LTBP1: variants seen among roughly 807,000 people sequenced by gnomAD.
The protein encoded by LTBP1 is latent-transforming growth factor beta-binding protein 1.
Under a neutral mutation model 207.6 loss-of-function variants are expected in LTBP1, and 129 were observed. The ratio of observed to expected loss-of-function variants is 0.62; its 90% CI spans 0.54 to 0.72. The LOEUF (loss-of-function observed/expected upper bound fraction) is 0.72. Ranked by LOEUF, LTBP1 falls within the 30% of genes least tolerant of loss-of-function variation. LTBP1 has a pLI of 0.00. For missense variants in LTBP1, 2,281 were observed against 2,217.2 expected (o/e 1.03, Z -0.58); for synonymous variants, 963 against 833.7 (o/e 1.16, Z -2.67).
intron 3 of LTBP1, among the ~76,000 whole-genome samples, chr2:33,065,327 G>A (rs1442965529): frequency 6.6e-6 from 1 of 152,186 alleles, no homozygotes; most frequent in Non-Finnish European, 1.5e-5. Flanking sequence ...GCTGAGGCAG[G>A]AAGATCACTT....
chr2:33,363,153 C>T (rs2094945654), intron 28 of LTBP1, among the ~76,000 whole-genome samples: 1 of 152,192 alleles, frequency 6.6e-6, no homozygotes, highest in African/African-American at 2.4e-5. Flanking sequence ...AAATACACTT[C>T]TCCTATAATG....
chr2:32,961,945 C>CA (rs34607490), intron 2 of LTBP1, among the ~76,000 whole-genome samples: 33,913 of 98,156 alleles, frequency 0.35, 4,434 homozygotes, highest in Admixed American at 0.44. Flanking sequence ...AACTCCGTCT[C>CA]AAAAAAAAAA....
At chr2:33,231,016 G>T (rs906506248) in intron 9 of LTBP1, among the ~76,000 whole-genome samples, 7 of 152,152 alleles carry the variant, frequency 4.6e-5, no homozygotes, top group Non-Finnish European at 1.0e-4. Flanking sequence ...CTTTTTAAAT[G>T]ACTCAGTATT....
rs139331984 is a variant in LTBP1, at chr2:33,360,693, A to G, written c.4097A>G (p.Asn1366Ser). 1.5e-4 allele frequency: 243 copies of G among 1,613,686 alleles called. No individual in the cohort carries two copies. The highest frequency in any genetic ancestry group is 1.9e-4 in the Non-Finnish European group (220 of 1,179,550). The change falls in exon 27 of 34, where the codon AAT becomes AGT. Residue 1366 changes from asparagine (N) to serine (S), a missense_variant. Asn to Ser is a conservative substitution (Grantham distance 46). Around this residue, in one of 3 missense-constraint regions of LTBP1, gnomAD observed 1,671 missense variants for 1,634.8 expected, o/e 1.02. Transcript: ENST00000404816. ...CTCTGTGATAATGTGTTGGCCCCCA[A>G]TGTCACGAAACAAGAATGCTGCTGT... is the stretch of plus-strand genomic sequence containing the variant. ...ASLCDNVLAPNVTKQECCCTS... is the reference protein window; with the variant it reads ...ASLCDNVLAPSVTKQECCCTS...
Position 33,389,301 on chromosome 2 carries a change from A to G in LTBP1, c.4829A>G (p.Gln1610Arg), listed in dbSNP as rs2095295192. 1 of 1,614,048 alleles carries G rather than the reference A, an allele frequency of 6.2e-7. No homozygotes were observed. Among genetic ancestry groups the G allele is most frequent in the Non-Finnish European group, 8.5e-7 (1 of 1,180,028 alleles). Residue 1610 changes from glutamine (Q) to arginine (R), a missense_variant, in exon 32 of 34, where the codon CAA becomes CGA. This residue lies in a region of LTBP1 where 1,671 missense variants were observed against 1,634.8 expected (regional missense o/e 1.02). Transcript: ENST00000404816. Reference protein sequence around the residue: ...YTPEADPYFIQDRFLNSFEEL... With the variant: ...YTPEADPYFIRDRFLNSFEEL... ...CCAGAAGCCGATCCCTACTTCATCC[A>G]AGACCGTAAGCAAAATAACCTTGTT...
rs1005435204 is a variant in LTBP1, at chr2:33,145,740, A to G, written c.1201+10780A>G. 4.6e-5 allele frequency among the ~76,000 whole-genome samples: 7 copies of G among 152,210 alleles called. No individual in the cohort carries two copies. In the East Asian group the frequency reaches 9.6e-4, roughly 21 times the overall value. On this transcript the variant is annotated intron_variant, in intron 5 of 33. Transcript: ENST00000404816. ...AACCATGACGCTGTGTGGAAATGAA[A>G]AAAAATAACATTAATGCCAAAATTG...
At chr2:33,251,385 G>A (rs539766690) in intron 10 of LTBP1, among the ~76,000 whole-genome samples, 13 of 152,254 alleles carry the variant, frequency 8.5e-5, no homozygotes, top group Middle Eastern at 3.4e-3. Context: ...GAGGCTGGGC[G>A]CACGGTGGCT....
At chr2:33,257,134 A>T (rs1415959371) in intron 11 of LTBP1, 150 bp from the exon 12 acceptor site, 1 of 624,020 alleles carries the variant, frequency 1.6e-6, no homozygotes, top group Non-Finnish European at 2.8e-6. Context: ...AATTCGAGCA[A>T]TTTGCTTACA....
chr2:32,974,500 G>T (rs1433877933), intron 2 of LTBP1, among the ~76,000 whole-genome samples: 1 of 152,066 alleles, frequency 6.6e-6, no homozygotes, highest in Non-Finnish European at 1.5e-5. Flanking sequence ...TTATCAGATG[G>T]GTAGCTTGCA....
chr2:33,308,494 C>T (rs150704961), intron 22 of LTBP1, among the ~76,000 whole-genome samples: 1 of 152,124 alleles, frequency 6.6e-6, no homozygotes, highest in Non-Finnish European at 1.5e-5. Flanking sequence ...ATATTCTACC[C>T]TACTGTGAAA....
At chr2:33,142,411 TTGCTTTTAATTAAGGGAAATAAAATTG>T (rs2082704002) in intron 5 of LTBP1, among the ~76,000 whole-genome samples, 1 of 152,152 alleles carries the variant, frequency 6.6e-6, no homozygotes, top group African/African-American at 2.4e-5. Context: ...GGTATGGAGC[TTGCTTTTAATTAAGGGAAATAAAATTG>T]GTTCTTGCTT....
chr2:33,323,490 T>C (rs529291601), intron 24 of LTBP1, among the ~76,000 whole-genome samples: 3 of 152,058 alleles, frequency 2.0e-5, no homozygotes, highest in Admixed American at 6.6e-5. Flanking sequence ...TGCAAAAAAT[T>C]ACCCAGATGT....
At position 33,342,828 on chromosome 2, in the gene LTBP1, T is replaced by G. The variant is rs369696493; in HGVS notation, c.3731-10T>G. The G allele has an allele frequency of 8.2e-5, 132 of 1,612,494 alleles. 1 individual carries two copies. The highest frequency in any genetic ancestry group is 4.5e-4 in the Admixed American group (27 of 59,882). ...TGTTTTGTGTCTGATGTTCCATGTC[T>G]TTTTTGCAGATATTGATGAATGTGT... On this transcript the variant is annotated splice_polypyrimidine_tract_variant and intron_variant, in intron 24 of 33. Coordinates refer to ENST00000404816, the MANE Select transcript of LTBP1 (RefSeq NM_206943.4).
intron 2 of LTBP1, among the ~76,000 whole-genome samples, chr2:33,006,279 A>G (rs2149038737): frequency 1.3e-5 from 2 of 152,092 alleles, no homozygotes; most frequent in Middle Eastern, 6.8e-3. Flanking sequence ...TTATTTGCTT[A>G]CTTCTGACAT....
chr2:33,384,811 C>T (rs1430554978), intron 31 of LTBP1, among the ~76,000 whole-genome samples: 1 of 152,160 alleles, frequency 6.6e-6, no homozygotes, highest in Non-Finnish European at 1.5e-5. Flanking sequence ...GTGACCTAGT[C>T]ATCGAGATAA....
At chr2:33,139,879 C>T (rs1327045132) in intron 5 of LTBP1, among the ~76,000 whole-genome samples, 2 of 152,108 alleles carry the variant, frequency 1.3e-5, no homozygotes, top group Non-Finnish European at 2.9e-5. Flanking sequence ...GTTGGGAAGG[C>T]AGATTGGTGC....
chr2:33,096,545 C>G (rs533985635), intron 3 of LTBP1, among the ~76,000 whole-genome samples: 3 of 152,170 alleles, frequency 2.0e-5, no homozygotes, highest in Non-Finnish European at 4.4e-5. Context: ...ATTATCCTGA[C>G]AAGAACGACA....
chr2:32,976,654 G>C (rs899847354), intron 2 of LTBP1, among the ~76,000 whole-genome samples: 2 of 152,158 alleles, frequency 1.3e-5, no homozygotes, highest in African/African-American at 4.8e-5. Flanking sequence ...CCAATCACTG[G>C]CTCTGTGCTT....
intron 3 of LTBP1, among the ~76,000 whole-genome samples, chr2:33,065,041 A>G (rs1359771654): frequency 6.6e-6 from 1 of 152,190 alleles, no homozygotes. Flanking sequence ...CAAAATAATC[A>G]TTGTAGAAAC....
Sources: allele counts gnomAD v4.1 joint callset (sites outside exome capture counted in the v4.1 genomes callset), GRCh38; gene constraint gnomAD v4.1.1; regional missense constraint gnomAD v4.1.1; transcripts MANE v1.5; gene names NCBI Gene and HGNC (gene_info 2026-07-23, HGNC 2026-07-21).